Variants in ITPRID2 observed in about 807,000 individuals in gnomAD.
ITPRID2 encodes ITPR interacting domain containing 2, also known as protein ITPRID2.
In ITPRID2, 60 loss-of-function variants were observed where a neutral mutation model predicts 124.3. That is an observed-to-expected ratio of 0.48 (90% CI 0.39 to 0.60). The LOEUF (loss-of-function observed/expected upper bound fraction) is 0.60. Ranked by LOEUF, ITPRID2 falls within the 20% of genes least tolerant of loss-of-function variation. The probability of loss-of-function intolerance (pLI) is 0.00; values close to 1 mark genes in which losing one functional copy is unlikely to be tolerated. For synonymous variants in ITPRID2, 521 were observed against 542.9 expected, an observed-to-expected ratio of 0.96 and a Z score of 0.56; for missense variants, 1,553 against 1,512.2, an observed-to-expected ratio of 1.03 and a Z score of -0.45.
intron 13 of ITPRID2, 79 bp downstream of exon 13, chr2:181,918,961 G>A (rs1489369865): frequency 6.5e-7 from 1 of 1,544,056 alleles, no homozygotes; most frequent in Non-Finnish European, 8.8e-7. Flanking sequence ...TTTAAAATTA[G>A]GTTTTGATTC....
chr2:181,927,660 A>G (rs966042394), intron 16 of ITPRID2, among the ~76,000 whole-genome samples: 3 of 149,418 alleles, frequency 2.0e-5, no homozygotes, highest in African/African-American at 7.7e-5. Context: ...TCTTCTTCCC[A>G]TTTTAAATGT....
intron 17 of ITPRID2, among the ~76,000 whole-genome samples, chr2:181,929,096 A>T (rs979030823): frequency 2.0e-5 from 3 of 151,774 alleles, no homozygotes; most frequent in Non-Finnish European, 2.9e-5. Context: ...ACATTAAAAA[A>T]TTTTTTTGTA....
intron 9 of ITPRID2, among the ~76,000 whole-genome samples, chr2:181,911,566 AT>A (rs1197027706): frequency 1.3e-5 from 2 of 152,090 alleles, no homozygotes; most frequent in Non-Finnish European, 2.9e-5. Flanking sequence ...AAGTTTCCAG[AT>A]TTTTTTCTCA....
At position 181,913,845 on chromosome 2, in the gene ITPRID2, A is replaced by G. The variant is rs756400657; in HGVS notation, c.1487A>G (p.Asp496Gly). ...TATAGCCACATTTTTTTATTCATAGATCATCTGTTACGTACTGCAAGTCAG... is the reference window on the plus strand; with the variant it reads ...TATAGCCACATTTTTTTATTCATAGGTCATCTGTTACGTACTGCAAGTCAG... Reference protein sequence around the residue: ...YQLGLTKSKRDHLLRTASQHS... With the variant: ...YQLGLTKSKRGHLLRTASQHS... Residue 496 changes from aspartate (D) to glycine (G), a missense_variant and splice_region_variant, in exon 10 of 18, where the codon GAT becomes GGT. Transcript: ENST00000431877. 2 of 1,608,406 alleles carry G rather than the reference A, an allele frequency of 1.2e-6. No homozygotes were observed.
chr2:181,910,502 T>A lies in ITPRID2; in HGVS notation c.1486+531T>A. 1.6e-6 allele frequency: 1 copy of A among 627,964 alleles called. No homozygotes were observed. The highest frequency in any genetic ancestry group is 2.9e-6 in the Non-Finnish European group (1 of 349,028). 38.9% of individuals were successfully genotyped at this position (627,964 alleles called of 1,614,324 possible). On this transcript the variant is annotated intron_variant, in intron 9 of 17. Transcript: ENST00000431877. The surrounding 1 kb of genome is among the most constrained non-coding windows in gnomAD (Gnocchi z 4.1). The stretch of plus-strand genomic sequence containing the variant: ...ATTATTAATTATTGACCAAAGAACC[T>A]TTGAATCCATCCCTTTCACTTTTAA...
chr2:181,914,008 T>G, intron 10 of ITPRID2, 75 bp downstream of exon 10: 1 of 909,672 alleles, frequency 1.1e-6, no homozygotes, highest in Non-Finnish European at 1.7e-6. Context: ...ACTATATATT[T>G]TAATATTGAG....
At chr2:181,913,661 G>T (rs149274087) in intron 9 of ITPRID2, among the ~76,000 whole-genome samples, 184 bp from the exon 10 acceptor site, 3 of 152,108 alleles carry the variant, frequency 2.0e-5, no homozygotes. Flanking sequence ...GTTACCTCCT[G>T]TACTTTGAAG....
intron 16 of ITPRID2, among the ~76,000 whole-genome samples, chr2:181,927,415 TTTGGA>T (rs989704618): frequency 5.9e-5 from 9 of 152,202 alleles, no homozygotes; most frequent in Admixed American, 5.9e-4. Flanking sequence ...TATGTAAGTG[TTTGGA>T]CACCTGTAGA....
Position 181,929,546 on chromosome 2 carries a change from C to G in ITPRID2, c.*14-15C>G, listed in dbSNP as rs1559027623. 1 of 1,593,662 alleles carries G rather than the reference C, an allele frequency of 6.3e-7. No homozygotes were observed. Among genetic ancestry groups the G allele is most frequent in the Non-Finnish European group, 8.6e-7 (1 of 1,165,328 alleles). On this transcript the variant is annotated splice_polypyrimidine_tract_variant and intron_variant, in intron 17 of 17. Transcript: ENST00000431877. ...TGAAAGAGGTTTAAAACTGACTTCTCTTTTCTTTTTTAAGGTTGGCATGGA... is the reference window on the plus strand; with the variant it reads ...TGAAAGAGGTTTAAAACTGACTTCTGTTTTCTTTTTTAAGGTTGGCATGGA...
chr2:181,899,222 C>T, intron 6 of ITPRID2, 110 bp downstream of exon 6: 1 of 765,596 alleles, frequency 1.3e-6, no homozygotes, highest in Non-Finnish European at 2.1e-6. Context: ...AGAAAGAACA[C>T]AAAAAGAGCG....
intron 17 of ITPRID2, among the ~76,000 whole-genome samples, chr2:181,928,828 G>A (rs566574775): frequency 4.6e-5 from 7 of 151,776 alleles, no homozygotes; most frequent in African/African-American, 9.7e-5. Flanking sequence ...GGGTTTCACC[G>A]TTTTAGCCGG....
At chr2:181,924,132 A>G (rs1226231628) in intron 16 of ITPRID2, among the ~76,000 whole-genome samples, 1 of 152,304 alleles carries the variant, frequency 6.6e-6, no homozygotes, top group Admixed American at 6.5e-5. Context: ...TGGGTTTAAC[A>G]TTTATTCTTT....
chr2:181,926,301 T>G (rs1314003027), intron 16 of ITPRID2, among the ~76,000 whole-genome samples: 1 of 152,252 alleles, frequency 6.6e-6, no homozygotes, highest in South Asian at 2.1e-4. Flanking sequence ...TATGAAACAG[T>G]ATTCATTTTG....
chr2:181,916,955 C>G, intron 11 of ITPRID2: 1 of 987,548 alleles, frequency 1.0e-6, no homozygotes. Context: ...TAGTCTACTT[C>G]CACTGGACTC....
Position 181,892,394 on chromosome 2 carries a change from AG to A in ITPRID2, c.211+121del. 2 of 1,267,050 alleles carry A rather than the reference AG, an allele frequency of 1.6e-6. No individual in the cohort carries two copies. Among genetic ancestry groups the A allele is most frequent in the Non-Finnish European group, 2.2e-6 (2 of 928,960 alleles). 78.5% of individuals were successfully genotyped at this position (1,267,050 alleles called of 1,614,324 possible). ...CTCGGGCACGGTAGGCCGAGGGGAGAGGGGACACTTCCGACCTTCAAACGCG... is the reference window on the plus strand; with the variant it reads ...CTCGGGCACGGTAGGCCGAGGGGAGAGGGACACTTCCGACCTTCAAACGCG... On this transcript the variant is annotated intron_variant, in intron 1 of 17. Coordinates refer to ENST00000431877, the MANE Select transcript of ITPRID2 (RefSeq NM_001130445.3). The surrounding 1 kb of genome is among the most constrained non-coding windows in gnomAD (Gnocchi z 5.2).
rs141526260 is a variant in ITPRID2 at position 181,922,081 on chromosome 2, C to A, written c.3344C>A (p.Ser1115Tyr). Residue 1115 changes from serine (S) to tyrosine (Y), a missense_variant, in exon 16 of 18, where the codon TCT becomes TAT. By Grantham distance (144) the Ser-to-Tyr change is moderately radical (BLOSUM62 -2). Transcript: ENST00000431877. ...TCCCAAGCAACATCAGAATCATCTT[C>A]TGTATGTTCTGGTCCCTCTCATGCT... ...VFSQATSESS[S>Y]VCSGPSHANR... 1 of 1,614,100 alleles carries A rather than the reference C, an allele frequency of 6.2e-7. No individual in the cohort carries two copies. The highest frequency in any genetic ancestry group is 1.3e-5 in the African/African-American group (1 of 74,926).
intron 8 of ITPRID2, among the ~76,000 whole-genome samples, chr2:181,904,102 C>T (rs1439270771): frequency 6.6e-6 from 1 of 152,076 alleles, no homozygotes; most frequent in Non-Finnish European, 1.5e-5. Context: ...TTCCTGAATT[C>T]TAAGCTGTAG....
In ITPRID2 at chr2:181,910,306, AT is replaced by A. The variant is rs548023935; in HGVS notation, c.1486+336del. Among the ~76,000 whole-genome samples the A allele has an allele frequency of 2.2e-4, 34 of 152,298 alleles. No homozygotes were observed. The South Asian group carries it at 5.6e-3, about 25-fold the overall frequency. On this transcript the variant is annotated intron_variant, in intron 9 of 17. Transcript: ENST00000431877. The surrounding 1 kb of genome is among the most constrained non-coding windows in gnomAD (Gnocchi z 4.1). ...CCTTTTACATTGTTATGACTGAAAA[AT>A]ATACTGGTATTATCTATCTTTGGTG...
In ITPRID2 at chr2:181,916,035, A is replaced by G; in HGVS notation, c.2395A>G (p.Thr799Ala). 1 of 1,614,140 alleles carries G rather than the reference A, an allele frequency of 6.2e-7. No homozygotes were observed. The highest frequency in any genetic ancestry group is 1.3e-5 in the African/African-American group (1 of 75,048). ...EHDGQSLVKSTIFISPSSVKK... is the reference protein window; with the variant it reads ...EHDGQSLVKSAIFISPSSVKK... ...TGATGGTCAGTCTTTAGTTAAATCG[A>G]CCATTTTCATCTCTCCATCATCTGT... Residue 799 changes from threonine (T) to alanine (A), a missense_variant, in exon 11 of 18, where the codon ACC (threonine) becomes GCC (alanine). Coordinates refer to ENST00000431877, the MANE Select transcript of ITPRID2 (RefSeq NM_001130445.3).
Sources: allele counts gnomAD v4.1 joint callset (sites outside exome capture counted in the v4.1 genomes callset), GRCh38; gene constraint gnomAD v4.1.1; non-coding constraint Gnocchi (gnomAD v3.1); transcripts MANE v1.5; gene names NCBI Gene and HGNC (gene_info 2026-07-23, HGNC 2026-07-21).